Variants in PBRM1 observed in about 807,000 individuals in gnomAD.
PBRM1 encodes polybromo 1, also known as protein polybromo-1.
PBRM1 carries 27 observed loss-of-function variants against 194.5 expected under a neutral mutation model. That is an observed-to-expected ratio of 0.14 (90% CI 0.10 to 0.19). PBRM1 has a LOEUF of 0.19. Among genes scored for constraint, PBRM1 ranks in the 10% least tolerant of loss-of-function variants. The pLI is 1.00. For missense variants in PBRM1, 1,466 were observed against 2,077.2 expected, an observed-to-expected ratio of 0.71 and a Z score of 5.72; for synonymous variants, 655 against 693.2, an observed-to-expected ratio of 0.94 and a Z score of 0.87.
At chr3:52,610,540 G>C (rs145134426) in intron 15 of PBRM1, among the ~76,000 whole-genome samples, 1 of 152,290 alleles carries the variant, frequency 6.6e-6, no homozygotes, top group Non-Finnish European at 1.5e-5. Flanking sequence ...ACATGAAAAA[G>C]GTAGGGCTCC....
intron 13 of PBRM1, among the ~76,000 whole-genome samples, chr3:52,618,668 C>T (rs562855779): frequency 3.9e-4 from 58 of 149,576 alleles, no homozygotes; most frequent in African/African-American, 1.4e-3. Flanking sequence ...GATCTCAGCT[C>T]ACCGCAACCT....
intron 10 of PBRM1, 32 bp from the exon 12 acceptor site, chr3:52,634,847 A>G: frequency 4.9e-6 from 7 of 1,441,012 alleles, no homozygotes; most frequent in Non-Finnish European, 6.8e-6. Flanking sequence ...TTATAAAGGG[A>G]CGAATGAGAT....
chr3:52,566,240 G>A (rs944211893), intron 22 of PBRM1, among the ~76,000 whole-genome samples: 6 of 151,974 alleles, frequency 3.9e-5, no homozygotes, highest in African/African-American at 1.4e-4. Flanking sequence ...GTATCTTGGT[G>A]GGACTGTAAA....
chr3:52,596,475 A>AAAAAAAAAAAAAAAAAC (rs2093568287), intron 17 of PBRM1, among the ~76,000 whole-genome samples: 1 of 132,958 alleles, frequency 7.5e-6, no homozygotes, highest in African/African-American at 2.8e-5. Context: ...AAAAAAAAAA[A>AAAAAAAAAAAAAAAAAC]AAAAAGAAAT....
intron 22 of PBRM1, among the ~76,000 whole-genome samples, chr3:52,566,316 A>G (rs2153551692): frequency 6.6e-6 from 1 of 152,364 alleles, no homozygotes; most frequent in East Asian, 1.9e-4. Flanking sequence ...GAGTTACCAT[A>G]TGACCTCGCA....
exon 5 of PBRM1, chr3:52,658,276 G>T: frequency 6.2e-7 from 1 of 1,612,976 alleles, no homozygotes; most frequent in Non-Finnish European, 8.5e-7. Context: ...ATGGCTTCAA[G>T]AAGCTGCTCC....
Position 52,666,719 on chromosome 3 carries a change from C to T in PBRM1, c.384+1779G>A, listed in dbSNP as rs561443057. Among the ~76,000 whole-genome samples the T allele has an allele frequency of 1.2e-3, 184 of 151,520 alleles. 2 individuals carry two copies. Among genetic ancestry groups the T allele is most frequent in the African/African-American group, 3.8e-3 (159 of 41,304 alleles). The stretch of plus-strand genomic sequence containing the variant: ...TAGCCTGGGCAACACGGTGAAATCC[C>T]GTCTCTATCAAAAATACAAAAAATT... On this transcript the variant is annotated intron_variant, in intron 3 of 29. Coordinates refer to ENST00000296302, the Ensembl canonical transcript of PBRM1.
intron 9 of PBRM1, among the ~76,000 whole-genome samples, chr3:52,642,458 T>C (rs1018585366): frequency 2.6e-5 from 4 of 151,568 alleles, no homozygotes; most frequent in East Asian, 2.0e-4. Flanking sequence ...CTACTAAAAA[T>C]ACAAAAAATT....
chr3:52,576,620 A>G, exon 22 of PBRM1: 1 of 1,610,266 alleles, frequency 6.2e-7, no homozygotes, highest in East Asian at 2.2e-5. Flanking sequence ...TTGTGGGCTC[A>G]TGCTCTGTTT....
At chr3:52,575,842 A>G (rs1238067575) in intron 22 of PBRM1, among the ~76,000 whole-genome samples, 1 of 152,004 alleles carries the variant, frequency 6.6e-6, no homozygotes, top group Non-Finnish European at 1.5e-5. Flanking sequence ...ATATACTCCA[A>G]GATCTAAAGG....
At chr3:52,569,252 C>T (rs1425918068) in intron 22 of PBRM1, among the ~76,000 whole-genome samples, 1 of 151,036 alleles carries the variant, frequency 6.6e-6, no homozygotes, top group Non-Finnish European at 1.5e-5. Flanking sequence ...GCTCTGTTTC[C>T]CAGGATGGAG....
At chr3:52,580,969 G>A (rs2091008850) in intron 20 of PBRM1, among the ~76,000 whole-genome samples, 1 of 152,280 alleles carries the variant, frequency 6.6e-6, no homozygotes, top group Admixed American at 6.5e-5. Context: ...TGGTAAAGAA[G>A]AACCATCATT....
At chr3:52,567,289 T>C (rs917471489) in intron 22 of PBRM1, among the ~76,000 whole-genome samples, 2 of 152,132 alleles carry the variant, frequency 1.3e-5, no homozygotes, top group Non-Finnish European at 2.9e-5. Context: ...TGTTTGCTCT[T>C]CTGCTGACGC....
chr3:52,659,396 G>C (rs1473625741), intron 4 of PBRM1, among the ~76,000 whole-genome samples: 1 of 152,010 alleles, frequency 6.6e-6, no homozygotes, highest in East Asian at 1.9e-4. Context: ...TCCAACAGAA[G>C]CTCTTTTTAT....
intron 16 of PBRM1, among the ~76,000 whole-genome samples, chr3:52,608,241 C>T (rs1374503974): frequency 6.6e-6 from 1 of 152,192 alleles, no homozygotes; most frequent in Non-Finnish European, 1.5e-5. Flanking sequence ...TCAGGAGTAG[C>T]CCTCTGCAGT....
At chr3:52,595,253 T>A (rs1351985300) in intron 17 of PBRM1, among the ~76,000 whole-genome samples, 1 of 152,158 alleles carries the variant, frequency 6.6e-6, no homozygotes, top group African/African-American at 2.4e-5. Flanking sequence ...GATTGTGGTA[T>A]AAGATGGGTT....
At position 52,550,782 on chromosome 3, in the gene PBRM1, T is replaced by C. The variant is rs768897886; in HGVS notation, c.4645A>G (p.Thr1549Ala). Reference sequence around the variant, plus strand: ...TATGGACTTCCACCTGGTGCTGGAGTCCCTACCATAGGGGCCACTCCTTGG... The same window carrying C: ...TATGGACTTCCACCTGGTGCTGGAGCCCCTACCATAGGGGCCACTCCTTGG... The change falls in exon 28 of 30, where the codon ACT becomes GCT. Residue 1549 changes from threonine to alanine, a missense_variant. Around this residue, in one of 5 missense-constraint regions of PBRM1, gnomAD observed 244 missense variants for 324.6 expected, o/e 0.75. Coordinates refer to ENST00000296302, the Ensembl canonical transcript of PBRM1. 10 of 1,612,360 alleles carry C rather than the reference T, an allele frequency of 6.2e-6. No homozygotes were observed. The East Asian group carries it at 2.0e-4, about 32-fold the overall frequency.
chr3:52,623,411 T>A (rs2095343919), intron 13 of PBRM1, among the ~76,000 whole-genome samples: 1 of 152,236 alleles, frequency 6.6e-6, no homozygotes, highest in South Asian at 2.1e-4. Flanking sequence ...GCTTCAGTTG[T>A]GCTTACTAGT....
intron 9 of PBRM1, among the ~76,000 whole-genome samples, chr3:52,642,623 A>C (rs1442810817): frequency 6.6e-6 from 1 of 151,596 alleles, no homozygotes; most frequent in African/African-American, 2.4e-5. Flanking sequence ...AAAAAAAAAA[A>C]AAAAACCAAA....
Sources: gnomAD v4.1 joint callset for allele counts (sites outside exome capture counted in the v4.1 genomes callset) on GRCh38, gnomAD v4.1.1 for gene constraint, gnomAD v4.1.1 regional missense constraint, MANE v1.5 for transcripts, NCBI Gene and HGNC (gene_info 2026-07-23, HGNC 2026-07-21) for gene names.